The following POLR3B variants were observed in gnomAD, a reference collection of about 807,000 sequenced individuals.
POLR3B encodes RNA polymerase III subunit B, also known as DNA-directed RNA polymerase III subunit RPC2.
In POLR3B, 96 loss-of-function variants were observed where a neutral mutation model predicts 147.4. The observed-to-expected ratio is 0.65, with a 90% CI of 0.55 to 0.77. The LOEUF is 0.77. POLR3B is among the 30% of genes least tolerant of loss of function. The pLI is 0.00. For missense variants in POLR3B, 1,036 were observed against 1,413.5 expected (o/e 0.73, Z 4.28); for synonymous variants, 461 against 485.9 (o/e 0.95, Z 0.67).
intron 18 of POLR3B, among the ~76,000 whole-genome samples, chr12:106,438,282 A>G (rs988769179): frequency 6.6e-6 from 1 of 152,072 alleles, no homozygotes; most frequent in Non-Finnish European, 1.5e-5. Flanking sequence ...TTCTGTATGT[A>G]CCATAAAGAA....
intron 19 of POLR3B, among the ~76,000 whole-genome samples, chr12:106,447,663 A>G (rs1243995656): frequency 1.3e-5 from 2 of 152,180 alleles, no homozygotes; most frequent in Admixed American, 6.6e-5. Flanking sequence ...ACACTTTCAT[A>G]TCCTGCCCAT....
rs1477485811 is a variant in POLR3B at position 106,497,204 on chromosome 12, C to A, written c.2984+286C>A. 3.7e-5 allele frequency among the ~76,000 whole-genome samples: 4 copies of A among 107,692 alleles called. No individual in the cohort carries two copies. The East Asian group carries it at 2.0e-3, about 53-fold the overall frequency. The allele number at this position is 107,692 out of a possible 152,430, so 70.7% of individuals were successfully genotyped here. ...ATTTTATGTGTGGCCCAAGACAATT[C>A]TTCTTCTTCCCGTATGACCCAGGGA... On this transcript the variant is annotated intron_variant, in intron 25 of 27. Coordinates refer to ENST00000228347, the MANE Select transcript of POLR3B (RefSeq NM_018082.6).
At chr12:106,482,062 A>G (rs1179159097) in intron 23 of POLR3B, among the ~76,000 whole-genome samples, 1 of 152,206 alleles carries the variant, frequency 6.6e-6, no homozygotes, top group East Asian at 1.9e-4. Flanking sequence ...GAGAAGCATT[A>G]ATCATAGTTT....
chr12:106,501,781 A>G (rs1163492028), intron 26 of POLR3B, among the ~76,000 whole-genome samples: 1 of 152,228 alleles, frequency 6.6e-6, no homozygotes, highest in Non-Finnish European at 1.5e-5. Context: ...ATATACTTGC[A>G]TGTACCCATG....
chr12:106,393,044 A>G lies in POLR3B; in HGVS notation c.737A>G (p.Glu246Gly). The change falls in exon 10 of 28, where the codon GAG (glutamate) becomes GGG (glycine). Residue 246 changes from glutamate to glycine, a missense_variant. Transcript: ENST00000228347. ...TTTCCTTCCTAGGCCATGGGTGTTG[A>G]GAGTGACCAGGAAATTGTGCAGATG... ...IVIIFKAMGV[E>G]SDQEIVQMIG... is the part of the protein sequence containing the mutation. 3 of 1,614,186 alleles carry G rather than the reference A, an allele frequency of 1.9e-6. No individual in the cohort carries two copies. Among genetic ancestry groups the G allele is most frequent in the Non-Finnish European group, 2.5e-6 (3 of 1,180,010 alleles).
intron 10 of POLR3B, among the ~76,000 whole-genome samples, chr12:106,401,444 C>T (rs575284091): frequency 6.6e-6 from 1 of 152,304 alleles, no homozygotes; most frequent in East Asian, 1.9e-4. Context: ...AAGAGGGAAT[C>T]CTCCCTAACT....
chr12:106,414,699 G>A (rs2037277930), intron 12 of POLR3B, among the ~76,000 whole-genome samples: 1 of 152,122 alleles, frequency 6.6e-6, no homozygotes, highest in Admixed American at 6.5e-5. Flanking sequence ...AGACTCCTCA[G>A]AGAATCCAAC....
At chr12:106,433,386 G>C (rs890834948) in intron 15 of POLR3B, among the ~76,000 whole-genome samples, 13 of 152,218 alleles carry the variant, frequency 8.5e-5, no homozygotes, top group Admixed American at 6.5e-5. Flanking sequence ...TGATCAGCTC[G>C]TTTAACCTTT....
chr12:106,418,976 C>A (rs933363947), intron 12 of POLR3B, among the ~76,000 whole-genome samples: 2 of 151,984 alleles, frequency 1.3e-5, no homozygotes, highest in Middle Eastern at 3.2e-3. Flanking sequence ...AGCTGGGATC[C>A]AAAAAAACTT....
At position 106,437,748 on chromosome 12, in the gene POLR3B, A is replaced by T. The variant is rs1225734763; in HGVS notation, c.1924A>T (p.Asn642Tyr). 1.9e-6 allele frequency: 3 copies of T among 1,598,324 alleles called. No homozygotes were observed. In the African/African-American group the frequency reaches 4.0e-5, roughly 21 times the overall value. Reference protein sequence around the residue: ...YLDVNEENDCNIALYEHTINK... With the variant: ...YLDVNEENDCYIALYEHTINK... ...AGATGTGAATGAAGAAAATGATTGT[A>T]ACATTGCACTGTACGAACACACAAT... The change falls in exon 18 of 28, where the codon AAC (asparagine) becomes TAC (tyrosine). Residue 642 changes from asparagine to tyrosine, a missense_variant. Around this residue, in one of 12 missense-constraint regions of POLR3B, gnomAD observed 177 missense variants for 232.7 expected, o/e 0.76. Coordinates refer to ENST00000228347, the MANE Select transcript of POLR3B (RefSeq NM_018082.6).
chr12:106,474,207 G>A (rs2038130403), intron 23 of POLR3B, among the ~76,000 whole-genome samples: 2 of 135,328 alleles, frequency 1.5e-5, no homozygotes, highest in South Asian at 2.7e-4. Context: ...GCATCCCAGG[G>A]ATGAAGTCCA....
chr12:106,371,085 A>G (rs2036600378), intron 6 of POLR3B, among the ~76,000 whole-genome samples: 1 of 152,204 alleles, frequency 6.6e-6, no homozygotes, highest in Admixed American at 6.5e-5. Context: ...CATAAGATTG[A>G]GGGTTTAAAT....
At chr12:106,451,987 T>A (rs2037803408) in intron 19 of POLR3B, among the ~76,000 whole-genome samples, 1 of 152,146 alleles carries the variant, frequency 6.6e-6, no homozygotes, top group Non-Finnish European at 1.5e-5. Flanking sequence ...GATATTCTCC[T>A]TGTGTTATTT....
chr12:106,459,507 C>G (rs2037908457), intron 22 of POLR3B, 139 bp downstream of exon 22: 12 of 695,730 alleles, frequency 1.7e-5, no homozygotes, highest in Non-Finnish European at 2.6e-6. Flanking sequence ...ATGGAAAAAG[C>G]ATGGCATAGA....
At chr12:106,409,008 A>G (rs2037185942) in intron 11 of POLR3B, among the ~76,000 whole-genome samples, 2 of 152,182 alleles carry the variant, frequency 1.3e-5, no homozygotes, top group Non-Finnish European at 2.9e-5. Flanking sequence ...AAATATCCAT[A>G]TTTATTTCTA....
At chr12:106,415,986 C>T (rs1026935050) in intron 12 of POLR3B, among the ~76,000 whole-genome samples, 2 of 152,064 alleles carry the variant, frequency 1.3e-5, no homozygotes, top group Non-Finnish European at 2.9e-5. Flanking sequence ...TAAAGTTAAA[C>T]CATTGGAAGC....
At chr12:106,479,240 T>G (rs578094111) in intron 23 of POLR3B, among the ~76,000 whole-genome samples, 2 of 152,252 alleles carry the variant, frequency 1.3e-5, no homozygotes, top group Non-Finnish European at 2.9e-5. Context: ...ACTTCCAGAT[T>G]GATGCTCTAG....
chr12:106,466,192 C>G (rs1257961124), intron 23 of POLR3B, among the ~76,000 whole-genome samples: 1 of 152,224 alleles, frequency 6.6e-6, no homozygotes, highest in African/African-American at 2.4e-5. Context: ...TTGCATTTCA[C>G]TAATGACTAG....
chr12:106,457,477 A>G (rs932152686), intron 21 of POLR3B, among the ~76,000 whole-genome samples, 181 bp downstream of exon 21: 4 of 152,192 alleles, frequency 2.6e-5, no homozygotes, highest in African/African-American at 9.7e-5. Flanking sequence ...TCTATACACT[A>G]TGTTTTTACC....
Sources: gnomAD v4.1 joint callset for allele counts (sites outside exome capture counted in the v4.1 genomes callset) on GRCh38, gnomAD v4.1.1 for gene constraint, gnomAD v4.1.1 regional missense constraint, MANE v1.5 for transcripts, NCBI Gene and HGNC (gene_info 2026-07-23, HGNC 2026-07-21) for gene names.